CENPP: variants seen among roughly 807,000 people sequenced by gnomAD.
The protein encoded by CENPP is centromere protein P.
CENPP carries 24 observed loss-of-function variants against 35.6 expected under a neutral mutation model. The ratio of observed to expected loss-of-function variants is 0.67; its 90% CI spans 0.49 to 0.95. CENPP has a LOEUF of 0.95. Ranked by LOEUF, CENPP falls within the 40% of genes least tolerant of loss-of-function variation. The pLI, the probability that CENPP is intolerant of heterozygous loss-of-function variation, is 0.00. For synonymous variants in CENPP, 120 were observed against 125.5 expected (o/e 0.96, Z 0.29); for missense variants, 332 against 345.3 (o/e 0.96, Z 0.31).
intron 5 of CENPP, among the ~76,000 whole-genome samples, chr9:92,452,428 C>T (rs994765181): frequency 3.5e-4 from 53 of 149,916 alleles, no homozygotes; most frequent in African/African-American, 1.2e-3. Context: ...TTGAACCAGC[C>T]TTGCATCCCA....
intron 5 of CENPP, among the ~76,000 whole-genome samples, chr9:92,488,044 A>G (rs1350162229): frequency 6.6e-6 from 1 of 152,214 alleles, no homozygotes; most frequent in African/African-American, 2.4e-5. Context: ...GAGCACATGT[A>G]TCTAGCTTAG....
intron 5 of CENPP, among the ~76,000 whole-genome samples, chr9:92,537,268 A>C (rs988694527): frequency 2.0e-5 from 3 of 152,184 alleles, no homozygotes; most frequent in African/African-American, 4.8e-5. Context: ...CTGAATCAGG[A>C]TTTTGTAAAA....
intron 5 of CENPP, among the ~76,000 whole-genome samples, chr9:92,542,928 C>T (rs909792407): frequency 1.3e-5 from 2 of 152,180 alleles, no homozygotes; most frequent in African/African-American, 4.8e-5. Context: ...CATTCTTTTA[C>T]ATGTGGATAT....
intron 5 of CENPP, among the ~76,000 whole-genome samples, chr9:92,546,457 G>A (rs72754450): frequency 1.3e-5 from 2 of 151,988 alleles, no homozygotes; most frequent in African/African-American, 2.4e-5. Context: ...CTGCAGCTTC[G>A]CTCCTGAAGC....
At chr9:92,455,761 T>G (rs1050429402) in intron 5 of CENPP, among the ~76,000 whole-genome samples, 5 of 152,346 alleles carry the variant, frequency 3.3e-5, no homozygotes, top group Admixed American at 6.5e-5. Context: ...ATTAATAACA[T>G]GTATTATTGT....
chr9:92,596,293 C>G (rs575469), intron 5 of CENPP, among the ~76,000 whole-genome samples: 3 of 151,764 alleles, frequency 2.0e-5, no homozygotes, highest in Non-Finnish European at 4.4e-5. Context: ...ACCACCATGT[C>G]TAATTTTTAA....
intron 5 of CENPP, among the ~76,000 whole-genome samples, chr9:92,392,369 T>A (rs534435365): frequency 4.0e-4 from 61 of 152,226 alleles, no homozygotes; most frequent in African/African-American, 1.4e-3. Context: ...CACGCCTGTA[T>A]TCCCAGCACT....
intron 5 of CENPP, among the ~76,000 whole-genome samples, chr9:92,523,411 G>T (rs1443434430): frequency 1.3e-5 from 2 of 152,136 alleles, no homozygotes; most frequent in Non-Finnish European, 2.9e-5. Flanking sequence ...ATATGTTGGG[G>T]ACCAGCCTCA....
intron 2 of CENPP, among the ~76,000 whole-genome samples, chr9:92,334,225 A>G (rs1486123217): frequency 2.6e-5 from 4 of 151,610 alleles, no homozygotes; most frequent in Admixed American, 1.3e-4. Context: ...GGTTCAAGCA[A>G]TTCTCCTGCC....
At chr9:92,488,150 T>C (rs1846103934) in intron 5 of CENPP, among the ~76,000 whole-genome samples, 1 of 152,200 alleles carries the variant, frequency 6.6e-6, no homozygotes, top group South Asian at 2.1e-4. Flanking sequence ...GTGTAACCCA[T>C]CATAAGTCAG....
chr9:92,493,295 T>C (rs1018057766), intron 5 of CENPP, among the ~76,000 whole-genome samples: 1 of 152,196 alleles, frequency 6.6e-6, no homozygotes, highest in South Asian at 2.1e-4. Context: ...ACTGATCTGT[T>C]CCAAACATGT....
At chr9:92,380,003 G>T (rs1842209754) in intron 5 of CENPP, 144 bp downstream of exon 5, 1 of 592,288 alleles carries the variant, frequency 1.7e-6, no homozygotes. Flanking sequence ...CAATTATTTG[G>T]AATAACTGGA....
chr9:92,333,498 A>T (rs1278442235), intron 2 of CENPP, among the ~76,000 whole-genome samples: 1 of 152,258 alleles, frequency 6.6e-6, no homozygotes, highest in Non-Finnish European at 1.5e-5. Flanking sequence ...GAGATTTCAG[A>T]CAGGGACATC....
chr9:92,332,579 A>G (rs1356139928), intron 2 of CENPP, among the ~76,000 whole-genome samples: 3 of 152,232 alleles, frequency 2.0e-5, no homozygotes, highest in Non-Finnish European at 4.4e-5. Context: ...AGGCCAAGGC[A>G]TGCAGATCAC....
intron 3 of CENPP, among the ~76,000 whole-genome samples, chr9:92,343,650 G>A (rs576131473): frequency 3.9e-5 from 6 of 152,286 alleles, no homozygotes; most frequent in Middle Eastern, 3.4e-3. Flanking sequence ...AGATTTGTAA[G>A]TTTTACAAAG....
Position 92,619,739 on chromosome 9 carries a change from C to T in CENPP, c.*6590C>T. 1 of 630,186 alleles carries T rather than the reference C, an allele frequency of 1.6e-6. No homozygotes were observed. The highest frequency in any genetic ancestry group is 2.9e-6 in the Non-Finnish European group (1 of 348,776). 39.0% of individuals were successfully genotyped at this position (630,186 alleles called of 1,614,324 possible). A position where few individuals can be genotyped will look rare whatever the true frequency, so the allele number is the denominator to read the frequency against. The stretch of plus-strand genomic sequence containing the variant: ...GCGTCAGGAGGTCGCCCTGTGAGAG[C>T]ACCTGGGCCAGCCCTCAGTGCCACG... On this transcript the variant is annotated 3_prime_UTR_variant, in exon 8 of 8. Coordinates refer to ENST00000375587, the MANE Select transcript of CENPP (RefSeq NM_001012267.3).
intron 5 of CENPP, among the ~76,000 whole-genome samples, chr9:92,429,804 TC>T (rs1844059683): frequency 6.6e-6 from 1 of 151,858 alleles, no homozygotes; most frequent in Non-Finnish European, 1.5e-5. Flanking sequence ...ATCATCATCA[TC>T]ATCATCATCA....
At chr9:92,408,549 C>T in intron 5 of CENPP, among the ~76,000 whole-genome samples, 1 of 152,088 alleles carries the variant, frequency 6.6e-6, no homozygotes, top group East Asian at 1.9e-4. Context: ...CGTTTTGGGC[C>T]ACAGTTTTTT....
chr9:92,559,936 A>G (rs1375790292), intron 5 of CENPP, among the ~76,000 whole-genome samples: 1 of 152,216 alleles, frequency 6.6e-6, no homozygotes, highest in African/African-American at 2.4e-5. Flanking sequence ...AGGCCAAAGC[A>G]CAAGGATCGC....
Sources: allele counts gnomAD v4.1 joint callset (sites outside exome capture counted in the v4.1 genomes callset), GRCh38; gene constraint gnomAD v4.1.1; transcripts MANE v1.5; gene names NCBI Gene and HGNC (gene_info 2026-07-23, HGNC 2026-07-21).